The following GNB5 variants were observed in gnomAD, a reference collection of about 807,000 sequenced individuals.
GNB5 encodes the protein guanine nucleotide-binding protein subunit beta-5.
A neutral mutation model predicts 55.3 loss-of-function variants in GNB5; 37 were observed. That is an observed-to-expected ratio of 0.67 (90% CI 0.51 to 0.88). GNB5 has a LOEUF of 0.88. Among genes scored for constraint, GNB5 ranks in the 40% least tolerant of loss-of-function variants. The pLI, the probability that GNB5 is intolerant of heterozygous loss-of-function variation, is 0.00. For missense variants in GNB5, 476 were observed against 515.3 expected, an observed-to-expected ratio of 0.92 and a Z score of 0.74; for synonymous variants, 219 against 198.5, an observed-to-expected ratio of 1.10 and a Z score of -0.87.
At chr15:52,143,620 T>G (rs1384486386) in intron 6 of GNB5, among the ~76,000 whole-genome samples, 1 of 152,182 alleles carries the variant, frequency 6.6e-6, no homozygotes, top group South Asian at 2.1e-4. Context: ...GCTTTCAAGT[T>G]TGGAAACAAC....
chr15:52,166,291 A>T (rs1356022353), intron 3 of GNB5, among the ~76,000 whole-genome samples: 1 of 152,196 alleles, frequency 6.6e-6, no homozygotes, highest in Non-Finnish European at 1.5e-5. Context: ...ATTGAGAGAG[A>T]AAATTAACAA....
intron 2 of GNB5, among the ~76,000 whole-genome samples, chr15:52,181,837 G>A (rs1029556139): frequency 1.4e-4 from 22 of 151,862 alleles, no homozygotes; most frequent in African/African-American, 5.3e-4. Context: ...TTTATTAAAT[G>A]GATGTATAAA....
intron 10 of GNB5, among the ~76,000 whole-genome samples, chr15:52,127,990 T>C (rs889200145): frequency 6.6e-6 from 1 of 152,140 alleles, no homozygotes; most frequent in Non-Finnish European, 1.5e-5. Flanking sequence ...AAGCATTTTG[T>C]TTGTTAAAAA....
chr15:52,137,173 C>T, intron 7 of GNB5: 1 of 1,007,678 alleles, frequency 9.9e-7, no homozygotes, highest in Non-Finnish European at 1.3e-6. Context: ...TTCTCCCTTA[C>T]TGTGGCAGGT....
At chr15:52,130,221 C>G (rs941183454) in intron 9 of GNB5, among the ~76,000 whole-genome samples, 7 of 152,158 alleles carry the variant, frequency 4.6e-5, no homozygotes, top group Non-Finnish European at 1.0e-4. Context: ...CTCATACAAG[C>G]CCATGTCCTA....
chr15:52,163,924 C>T (rs2034395246), intron 3 of GNB5, among the ~76,000 whole-genome samples: 1 of 152,142 alleles, frequency 6.6e-6, no homozygotes, highest in Non-Finnish European at 1.5e-5. Context: ...GTGATACCTC[C>T]AGGTGCAGGA....
At chr15:52,160,091 GC>G (rs2034299469) in intron 3 of GNB5, among the ~76,000 whole-genome samples, 2 of 151,950 alleles carry the variant, frequency 1.3e-5, no homozygotes, top group Non-Finnish European at 2.9e-5. Flanking sequence ...GGAATTCCAG[GC>G]CCATGCCACC....
At chr15:52,190,267 G>A (rs898502350) in intron 1 of GNB5, among the ~76,000 whole-genome samples, 5 of 151,754 alleles carry the variant, frequency 3.3e-5, no homozygotes, top group South Asian at 2.1e-4. Context: ...ACAGGCGCCC[G>A]CCACCTCACC....
At chr15:52,123,092 A>G (rs2141179775) in intron 12 of GNB5, among the ~76,000 whole-genome samples, 1 of 152,278 alleles carries the variant, frequency 6.6e-6, no homozygotes, top group South Asian at 2.1e-4. Context: ...AACCATTTGA[A>G]CCCATACAGC....
chr15:52,128,194 A>T lies in GNB5; in HGVS notation c.912+2T>A. ...AAAGCTCTCAAAAACTTAGAAACAT[A>T]CCGTAGCGTCATCTGACCCTGAAGC... On this transcript the variant is annotated splice_donor_variant, in intron 10 of 12. Transcript: ENST00000261837. LOFTEE classifies it high-confidence loss of function. 6.2e-7 allele frequency: 1 copy of T among 1,600,714 alleles called. No individual in the cohort carries two copies. The highest frequency in any genetic ancestry group is 8.6e-7 in the Non-Finnish European group (1 of 1,167,816).
intron 7 of GNB5, chr15:52,137,369 C>A: frequency 9.6e-7 from 1 of 1,037,526 alleles, no homozygotes; most frequent in South Asian, 3.4e-5. Context: ...TGAGAGCTGG[C>A]CAGGTGAAAG....
At chr15:52,143,239 C>CA (rs1229318424) in intron 6 of GNB5, among the ~76,000 whole-genome samples, 4 of 151,900 alleles carry the variant, frequency 2.6e-5, no homozygotes, top group Non-Finnish European at 5.9e-5. Flanking sequence ...ATGCTGTGGA[C>CA]TATGGTCCTC....
intron 6 of GNB5, among the ~76,000 whole-genome samples, chr15:52,146,589 C>G (rs2033981938): frequency 6.6e-6 from 1 of 151,696 alleles, no homozygotes; most frequent in Non-Finnish European, 1.5e-5. Context: ...ATTTTTGAGA[C>G]AGGGTCTTAC....
In GNB5 at chr15:52,150,466, G is replaced by A. The variant is rs148364056; in HGVS notation, c.376-541C>T. Among the ~76,000 whole-genome samples, 89 of 152,258 alleles carry A rather than the reference G, an allele frequency of 5.8e-4. No individual in the cohort carries two copies. In the East Asian group the frequency reaches 0.017, roughly 29 times the overall value. On this transcript the variant is annotated intron_variant, in intron 4 of 12. Coordinates refer to ENST00000261837, the MANE Select transcript of GNB5 (RefSeq NM_016194.4). ...TCTGCCAGGGACAGCTGCGGAGGGG[G>A]CTGTATGGGCCTGAGATCAGTCTAA...
At position 52,137,708 on chromosome 15, in the gene GNB5, TTG is replaced by T. The variant is rs2141196924; in HGVS notation, c.628-1954_628-1953del. 5.9e-6 allele frequency: 7 copies of T among 1,185,266 alleles called. No homozygotes were observed. The South Asian group carries it at 9.4e-5, about 16-fold the overall frequency. The allele number at this position is 1,185,266 out of a possible 1,614,324, so 73.4% of individuals were successfully genotyped here. ...TCTGGCTGAGCATACCTTCCTGGGA[TTG>T]GGAGAAAGGCAGTGAGGACTCAGGG... On this transcript the variant is annotated intron_variant, in intron 7 of 12. Transcript: ENST00000261837.
At chr15:52,164,308 T>TTAA (rs1413717978) in intron 3 of GNB5, among the ~76,000 whole-genome samples, 2,336 of 50,504 alleles carry the variant, frequency 0.046, 66 homozygotes, top group Middle Eastern at 0.11. Flanking sequence ...GACTCTGTCT[T>TTAA]AAAAAAAAAA....
intron 8 of GNB5, among the ~76,000 whole-genome samples, 183 bp downstream of exon 8, chr15:52,135,430 C>T (rs910630150): frequency 6.6e-6 from 1 of 152,122 alleles, no homozygotes; most frequent in African/African-American, 2.4e-5. Context: ...ACCAAGCCCC[C>T]GAGAGGGGCC....
At chr15:52,163,136 G>A (rs987050436) in intron 3 of GNB5, among the ~76,000 whole-genome samples, 1 of 152,160 alleles carries the variant, frequency 6.6e-6, no homozygotes, top group African/African-American at 2.4e-5. Flanking sequence ...GTGAGACCAC[G>A]CCCGGGAAAC....
chr15:52,167,988 T>C (rs571832841), intron 3 of GNB5, among the ~76,000 whole-genome samples: 2 of 152,282 alleles, frequency 1.3e-5, no homozygotes, highest in South Asian at 2.1e-4. Flanking sequence ...AAACAAGGTA[T>C]TGAAGGAACA....
Sources: gnomAD v4.1 joint callset for allele counts (sites outside exome capture counted in the v4.1 genomes callset) on GRCh38, gnomAD v4.1.1 for gene constraint, MANE v1.5 for transcripts, NCBI Gene and HGNC (gene_info 2026-07-23, HGNC 2026-07-21) for gene names.